RALYL: variants seen among roughly 807,000 people sequenced by gnomAD.
The protein encoded by RALYL is RNA-binding Raly-like protein.
In RALYL, 29 loss-of-function variants were observed where a neutral mutation model predicts 35.1. That is an observed-to-expected ratio of 0.83 (90% CI 0.61 to 1.13). The LOEUF (loss-of-function observed/expected upper bound fraction) is 1.13, where lower values mean the gene tolerates loss of function less well. RALYL is among the 50% of genes most tolerant of loss of function. RALYL has a pLI of 0.00. For synonymous variants in RALYL, 120 were observed against 127.6 expected (o/e 0.94, Z 0.40); for missense variants, 359 against 360.4 (o/e 1.00, Z 0.03).
chr8:84,424,704 A>G (rs1269076593), intron 1 of RALYL, among the ~76,000 whole-genome samples: 2 of 151,736 alleles, frequency 1.3e-5, no homozygotes, highest in Non-Finnish European at 2.9e-5. Context: ...GTCTTTGATG[A>G]TGGTGATGTA....
chr8:84,344,909 A>C (rs1849529363), intron 1 of RALYL, among the ~76,000 whole-genome samples: 1 of 152,020 alleles, frequency 6.6e-6, no homozygotes, highest in African/African-American at 2.4e-5. Flanking sequence ...TATTACATTG[A>C]GCTTACAAAC....
chr8:84,762,501 G>T (rs78160832), intron 2 of RALYL, among the ~76,000 whole-genome samples: 2,204 of 152,196 alleles, frequency 0.014, 55 homozygotes, highest in African/African-American at 0.05. Flanking sequence ...TTTATGAAAA[G>T]AATCTTTTTG....
intron 2 of RALYL, 135 bp downstream of exon 2, chr8:84,529,712 T>C (rs1258200361): frequency 1.5e-6 from 1 of 669,900 alleles, no homozygotes. Context: ...TTATTATTTA[T>C]ATTTTTTCAT....
chr8:84,911,635 A>G (rs1387146612), intron 8 of RALYL, among the ~76,000 whole-genome samples: 1 of 151,980 alleles, frequency 6.6e-6, no homozygotes, highest in African/African-American at 2.4e-5. Context: ...TAGCATCCGA[A>G]CCCACAGGTT....
intron 2 of RALYL, among the ~76,000 whole-genome samples, chr8:84,651,897 A>T (rs1828917940): frequency 6.6e-6 from 1 of 152,050 alleles, no homozygotes; most frequent in Non-Finnish European, 1.5e-5. Flanking sequence ...AATTTAAAAG[A>T]GTAGAAAAAA....
At chr8:84,910,484 A>T (rs945463784) in intron 8 of RALYL, among the ~76,000 whole-genome samples, 3 of 152,130 alleles carry the variant, frequency 2.0e-5, no homozygotes, top group African/African-American at 7.2e-5. Flanking sequence ...ATATGTTATT[A>T]TGTCTAAATG....
chr8:84,201,076 G>T (rs932054206), intron 1 of RALYL, among the ~76,000 whole-genome samples: 3 of 152,102 alleles, frequency 2.0e-5, no homozygotes, highest in Non-Finnish European at 4.4e-5. Context: ...AAAGTTCAGG[G>T]TTAAGATAGT....
At chr8:84,446,734 G>T (rs1353905858) in intron 1 of RALYL, among the ~76,000 whole-genome samples, 2 of 152,050 alleles carry the variant, frequency 1.3e-5, no homozygotes, top group African/African-American at 4.8e-5. Flanking sequence ...GTTGTCAAGA[G>T]AGAGGGCTGT....
chr8:84,449,266 T>G (rs1420603965), intron 1 of RALYL, among the ~76,000 whole-genome samples: 1 of 151,868 alleles, frequency 6.6e-6, no homozygotes, highest in Non-Finnish European at 1.5e-5. Flanking sequence ...GGAGGTGAGG[T>G]CCCCTTAGCA....
chr8:84,366,708 G>A (rs1478354084), intron 1 of RALYL, among the ~76,000 whole-genome samples: 1 of 133,116 alleles, frequency 7.5e-6, no homozygotes, highest in Non-Finnish European at 1.5e-5. Flanking sequence ...CCAAGGAGTT[G>A]AGCCAAGATC....
At chr8:84,748,483 C>A (rs1020493049) in intron 2 of RALYL, among the ~76,000 whole-genome samples, 8 of 151,930 alleles carry the variant, frequency 5.3e-5, no homozygotes, top group Non-Finnish European at 1.0e-4. Flanking sequence ...TGTAATCCTG[C>A]CCCATTTTCC....
At chr8:84,327,922 AC>A (rs1846116553) in intron 1 of RALYL, among the ~76,000 whole-genome samples, 1 of 152,226 alleles carries the variant, frequency 6.6e-6, no homozygotes, top group Non-Finnish European at 1.5e-5. Context: ...TTTATTTACC[AC>A]CAGTATAGAA....
chr8:84,459,999 A>T (rs192847261), intron 1 of RALYL, among the ~76,000 whole-genome samples: 64 of 151,906 alleles, frequency 4.2e-4, no homozygotes, highest in African/African-American at 1.4e-3. Flanking sequence ...TATAAAAAAC[A>T]GGAACAAGGT....
At chr8:84,920,833 G>C (rs566245836) in intron 8 of RALYL, 61 bp from the exon 9 acceptor site, 1 of 688,270 alleles carries the variant, frequency 1.5e-6, no homozygotes, top group South Asian at 2.4e-5. Context: ...ATCAGTATAC[G>C]CATGCTATCA....
At chr8:84,545,985 T>G (rs2060328716) in intron 2 of RALYL, among the ~76,000 whole-genome samples, 2 of 152,208 alleles carry the variant, frequency 1.3e-5, no homozygotes, top group African/African-American at 4.8e-5. Context: ...CTTGTGTTGC[T>G]CCTGATTTTG....
rs551913640 is a variant in RALYL, at chr8:84,593,684, TTG to T, written c.256+64111_256+64112del. Among the ~76,000 whole-genome samples the T allele has an allele frequency of 1.2e-4, 19 of 152,216 alleles. No individual in the cohort carries two copies. In the East Asian group the frequency reaches 1.7e-3, roughly 14 times the overall value. ...CATAGGCCATTTATAATTTCACAGATTGTGTCTTTTATCTCCAAGTTGATTCA... is the reference window on the plus strand; with the variant it reads ...CATAGGCCATTTATAATTTCACAGATTGTCTTTTATCTCCAAGTTGATTCA... On this transcript the variant is annotated intron_variant, in intron 2 of 8. Coordinates refer to ENST00000521268, the MANE Select transcript of RALYL (RefSeq NM_173848.7).
chr8:84,549,400 T>G (rs2060571196), intron 2 of RALYL, among the ~76,000 whole-genome samples: 1 of 152,174 alleles, frequency 6.6e-6, no homozygotes, highest in Admixed American at 6.6e-5. Flanking sequence ...CAAAACAGAC[T>G]TGAGGGTCAT....
intron 1 of RALYL, among the ~76,000 whole-genome samples, chr8:84,422,287 G>A (rs1186638129): frequency 1.8e-5 from 2 of 113,834 alleles, no homozygotes; most frequent in Non-Finnish European, 3.5e-5. Context: ...GAGAGTGTAT[G>A]TGTCGAGGAA....
At chr8:84,223,191 T>TTCCATTCC (rs1423580009) in intron 1 of RALYL, among the ~76,000 whole-genome samples, 31 of 110,386 alleles carry the variant, frequency 2.8e-4, no homozygotes, top group African/African-American at 1.0e-3. Flanking sequence ...TTCCCTTCCC[T>TTCCATTCC]TCCCTTCCCT....
Sources: allele counts gnomAD v4.1 joint callset (sites outside exome capture counted in the v4.1 genomes callset), GRCh38; gene constraint gnomAD v4.1.1; transcripts MANE v1.5; gene names NCBI Gene and HGNC (gene_info 2026-07-23, HGNC 2026-07-21).